Variants in CLOCK observed in about 807,000 individuals in gnomAD.
CLOCK encodes circadian locomoter output cycles protein kaput.
CLOCK carries 43 observed loss-of-function variants against 118.4 expected under a neutral mutation model. That is an observed-to-expected ratio of 0.36 (90% CI 0.28 to 0.47). CLOCK has a LOEUF of 0.47. Among genes scored for constraint, CLOCK ranks in the 20% least tolerant of loss-of-function variants. The probability of loss-of-function intolerance (pLI) is 1.00; values close to 1 mark genes in which losing one functional copy is unlikely to be tolerated. For synonymous variants in CLOCK, 326 were observed against 339.2 expected (o/e 0.96, Z 0.43); for missense variants, 846 against 999.9 (o/e 0.85, Z 2.08).
At chr4:55,451,386 A>G (rs1724434742) in intron 15 of CLOCK, among the ~76,000 whole-genome samples, 1 of 152,194 alleles carries the variant, frequency 6.6e-6, no homozygotes. Context: ...CTAACTTACT[A>G]GCTATTACCC....
chr4:55,450,952 C>A (rs74327481), intron 15 of CLOCK, among the ~76,000 whole-genome samples: 1 of 151,826 alleles, frequency 6.6e-6, no homozygotes, highest in Non-Finnish European at 1.5e-5. Context: ...TTTCATACAG[C>A]GACACTAATC....
chr4:55,483,861 C>T (rs2109917584), intron 3 of CLOCK, among the ~76,000 whole-genome samples: 1 of 152,270 alleles, frequency 6.6e-6, no homozygotes, highest in South Asian at 2.1e-4. Flanking sequence ...AAACTTACTG[C>T]TTTAAAGCTG....
Position 55,482,773 on chromosome 4 carries a change from C to A in CLOCK, c.13G>T (p.Val5Leu). Residue 5 changes from valine to leucine, a missense_variant, in exon 4 of 23, where the codon GTA becomes TTA. By Grantham distance (32) the Val-to-Leu change is conservative. Around this residue, in one of 4 missense-constraint regions of CLOCK, gnomAD observed 246 missense variants for 300.2 expected, o/e 0.82. Transcript: ENST00000513440. ...ATCGAGCTCATTTTACTACAGCTTA[C>A]GGTAAACAACATAACATACTACGTT... is the stretch of plus-strand genomic sequence containing the variant. MLFTVSCSKMSSIVD... is the reference protein window; with the variant it reads MLFTLSCSKMSSIVD... 1.2e-6 allele frequency: 2 copies of A among 1,609,572 alleles called. No individual in the cohort carries two copies. Among genetic ancestry groups the A allele is most frequent in the South Asian group, 2.2e-5 (2 of 90,294 alleles).
intron 2 of CLOCK, among the ~76,000 whole-genome samples, chr4:55,509,080 T>G (rs1728985144): frequency 6.6e-6 from 1 of 152,162 alleles, no homozygotes; most frequent in Non-Finnish European, 1.5e-5. Context: ...ACAATATAAG[T>G]ATTTGAGTAT....
At chr4:55,513,257 C>A (rs559860624) in intron 1 of CLOCK, among the ~76,000 whole-genome samples, 1 of 152,220 alleles carries the variant, frequency 6.6e-6, no homozygotes, top group South Asian at 2.1e-4. Context: ...ATTAAAATTA[C>A]CTATAGTATT....
intron 2 of CLOCK, among the ~76,000 whole-genome samples, chr4:55,492,611 A>G (rs1286005329): frequency 6.6e-6 from 1 of 152,114 alleles, no homozygotes. Flanking sequence ...TTGGGAGGCT[A>G]AGGTGGGTAG....
chr4:55,522,829 T>A (rs1289475791), intron 1 of CLOCK, among the ~76,000 whole-genome samples: 2 of 152,062 alleles, frequency 1.3e-5, no homozygotes, highest in African/African-American at 4.8e-5. Context: ...CTGAACCATA[T>A]AAAATGACTA....
chr4:55,523,511 A>G (rs1431862995), intron 1 of CLOCK, among the ~76,000 whole-genome samples: 1 of 152,196 alleles, frequency 6.6e-6, no homozygotes, highest in Non-Finnish European at 1.5e-5. Context: ...TGACACTGAA[A>G]AATTAAACAT....
rs1289814329 is a variant in CLOCK, at chr4:55,470,799, T to A, written c.356A>T (p.Asp119Val). 1 of 1,606,922 alleles carries A rather than the reference T, an allele frequency of 6.2e-7. No individual in the cohort carries two copies. The highest frequency in any genetic ancestry group is 8.5e-7 in the Non-Finnish European group (1 of 1,174,682). ...EFTQLMLEAL[D>V]GFFLAIMTDG... The stretch of plus-strand genomic sequence containing the variant: ...TGTCATGATTGCTAAAAAAAAACCA[T>A]CAAGAGCCTGAAATTAAACATAATG... The change falls in exon 8 of 23, where the codon GAT (aspartate) becomes GTT (valine). Residue 119 changes from aspartate (D) to valine (V), a missense_variant. Coordinates refer to ENST00000513440, the MANE Select transcript of CLOCK (RefSeq NM_004898.4).
At chr4:55,443,919 A>G (rs1489889889) in intron 19 of CLOCK, 23 bp from the exon 20 acceptor site, 2 of 1,595,660 alleles carry the variant, frequency 1.3e-6, no homozygotes, top group Non-Finnish European at 1.7e-6. Context: ...AGATTATGTT[A>G]AAATGAGCTT....
At chr4:55,504,377 T>C (rs1236155783) in intron 2 of CLOCK, among the ~76,000 whole-genome samples, 3 of 149,810 alleles carry the variant, frequency 2.0e-5, no homozygotes, top group Non-Finnish European at 4.4e-5. Context: ...ATCAAGGCAA[T>C]GTATCACAAT....
chr4:55,487,675 A>G (rs1046819860), intron 3 of CLOCK, among the ~76,000 whole-genome samples: 5 of 151,722 alleles, frequency 3.3e-5, no homozygotes, highest in African/African-American at 1.2e-4. Context: ...ATGGAATATA[A>G]TTACCCCTTA....
intron 1 of CLOCK, among the ~76,000 whole-genome samples, chr4:55,534,055 A>G (rs77977301): frequency 0.027 from 4,123 of 152,314 alleles, 196 homozygotes; most frequent in African/African-American, 0.094. Flanking sequence ...ATGTATAAAG[A>G]ACCCAATAGT....
chr4:55,510,293 A>C (rs1056161442), intron 1 of CLOCK, among the ~76,000 whole-genome samples: 1 of 152,186 alleles, frequency 6.6e-6, no homozygotes, highest in Non-Finnish European at 1.5e-5. Context: ...AAGGGAAAGC[A>C]TAACAGAGAT....
At chr4:55,459,917 G>C (rs1332047495) in intron 9 of CLOCK, among the ~76,000 whole-genome samples, 1 of 152,172 alleles carries the variant, frequency 6.6e-6, no homozygotes, top group African/African-American at 2.4e-5. Context: ...CTGCCTCAAA[G>C]TGGAGGGATT....
At chr4:55,438,177 C>G in intron 22 of CLOCK, 105 bp downstream of exon 22, 1 of 1,393,160 alleles carries the variant, frequency 7.2e-7, no homozygotes, top group South Asian at 1.2e-5. Context: ...GTACAATAAG[C>G]TTTTGTGAAT....
chr4:55,534,493 G>A (rs1237347966), intron 1 of CLOCK, among the ~76,000 whole-genome samples: 1 of 152,100 alleles, frequency 6.6e-6, no homozygotes, highest in Non-Finnish European at 1.5e-5. Context: ...TGTTATAGCA[G>A]CCAAAACTAA....
chr4:55,492,438 A>C (rs1412400834), intron 2 of CLOCK, among the ~76,000 whole-genome samples: 1 of 152,120 alleles, frequency 6.6e-6, no homozygotes, highest in African/African-American at 2.4e-5. Context: ...TCTTTCTTAA[A>C]AAATAAATTG....
intron 1 of CLOCK, 112 bp from the exon 2 acceptor site, chr4:55,510,177 C>A (rs2272073): frequency 6.6e-6 from 1 of 151,988 alleles, no homozygotes; most frequent in Non-Finnish European, 1.5e-5. Flanking sequence ...GCCTCCTCTA[C>A]GTGCCAAGAA....
Sources: gnomAD v4.1 joint callset for allele counts (sites outside exome capture counted in the v4.1 genomes callset) on GRCh38, gnomAD v4.1.1 for gene constraint, gnomAD v4.1.1 regional missense constraint, MANE v1.5 for transcripts, NCBI Gene and HGNC (gene_info 2026-07-23, HGNC 2026-07-21) for gene names.